CABCOCO1: variants seen among roughly 807,000 people sequenced by gnomAD.
CABCOCO1 encodes the protein ciliary associated calcium binding coiled-coil 1.
In CABCOCO1, 28 loss-of-function variants were observed where a neutral mutation model predicts 35.7. That is an observed-to-expected ratio of 0.78 (90% CI 0.58 to 1.07). The LOEUF is 1.07. Ranked by LOEUF, CABCOCO1 falls within the 50% of genes least tolerant of loss-of-function variation. CABCOCO1 has a pLI of 0.00. For synonymous variants in CABCOCO1, 95 were observed against 100.1 expected, an observed-to-expected ratio of 0.95 and a Z score of 0.30; for missense variants, 326 against 309.2, an observed-to-expected ratio of 1.05 and a Z score of -0.41.
intron 5 of CABCOCO1, among the ~76,000 whole-genome samples, chr10:61,716,688 C>T (rs937873438): frequency 1.3e-5 from 2 of 152,138 alleles, no homozygotes; most frequent in African/African-American, 4.8e-5. Context: ...ATCTCCTCTA[C>T]ATTTTAAATA....
At chr10:61,704,617 T>C (rs1207073624) in intron 5 of CABCOCO1, among the ~76,000 whole-genome samples, 1 of 152,198 alleles carries the variant, frequency 6.6e-6, no homozygotes, top group Non-Finnish European at 1.5e-5. Flanking sequence ...AAGTACCACA[T>C]AGCTAAACTG....
At position 61,692,668 on chromosome 10, in the gene CABCOCO1, C is replaced by A. The variant is rs142180075; in HGVS notation, c.552+2047C>A. Among the ~76,000 whole-genome samples, 481 of 152,248 alleles carry A rather than the reference C, an allele frequency of 3.2e-3. 2 individuals carry two copies. Among genetic ancestry groups the A allele is most frequent in the Admixed American group, 7.6e-3 (116 of 15,268 alleles). On this transcript the variant is annotated intron_variant, in intron 5 of 7. Transcript: ENST00000648843. ...AACACCTCAGTCACCATTACTCACTCTTCATTTGGGTACTTGTTCTAATGC... is the reference window on the plus strand; with the variant it reads ...AACACCTCAGTCACCATTACTCACTATTCATTTGGGTACTTGTTCTAATGC...
intron 2 of CABCOCO1, among the ~76,000 whole-genome samples, chr10:61,674,021 A>C (rs61850464): frequency 0.078 from 11,852 of 152,248 alleles, 585 homozygotes; most frequent in South Asian, 0.13. Flanking sequence ...AAATAGCACA[A>C]TGCGAATAGC....
intron 2 of CABCOCO1, among the ~76,000 whole-genome samples, chr10:61,677,068 A>AATAATAATAATAATAATAATAATAAT (rs375409640): frequency 7.7e-4 from 111 of 144,338 alleles, no homozygotes; most frequent in Middle Eastern, 6.9e-3. Context: ...CTGTCTCAAA[A>AATAATAATAATAATAATAATAATAAT]AATAATAATA....
At chr10:61,749,518 A>G (rs149394955) in intron 5 of CABCOCO1, among the ~76,000 whole-genome samples, 41 of 152,344 alleles carry the variant, frequency 2.7e-4, no homozygotes, top group Middle Eastern at 3.4e-3. Context: ...CTTATTTTGG[A>G]ACAATGCACT....
Position 61,765,467 on chromosome 10 carries a change from G to C in CABCOCO1, c.817-472G>C, listed in dbSNP as rs530629137. On this transcript the variant is annotated intron_variant, in intron 7 of 7. Coordinates refer to ENST00000648843, the MANE Select transcript of CABCOCO1 (RefSeq NM_001366906.2). ...ATGAATACTCTTAATTATGGGAGTTGTTCTAATTGTAAGGTTATTTGTGTT... is the reference window on the plus strand; with the variant it reads ...ATGAATACTCTTAATTATGGGAGTTCTTCTAATTGTAAGGTTATTTGTGTT... Among the ~76,000 whole-genome samples, 13 of 152,278 alleles carry C rather than the reference G, an allele frequency of 8.5e-5. No homozygotes were observed. In the South Asian group the frequency reaches 2.5e-3, roughly 29 times the overall value.
At chr10:61,715,647 G>A (rs892146535) in intron 5 of CABCOCO1, among the ~76,000 whole-genome samples, 3 of 152,070 alleles carry the variant, frequency 2.0e-5, no homozygotes, top group Non-Finnish European at 4.4e-5. Flanking sequence ...GCAGTGGCTC[G>A]TACCGGTTGT....
chr10:61,736,552 T>C (rs1341557295), intron 5 of CABCOCO1, among the ~76,000 whole-genome samples: 1 of 152,170 alleles, frequency 6.6e-6, no homozygotes, highest in Non-Finnish European at 1.5e-5. Flanking sequence ...AGCTATGTAG[T>C]ATAGTTTCAA....
chr10:61,722,750 C>T (rs1270437378), intron 5 of CABCOCO1, among the ~76,000 whole-genome samples: 1 of 150,354 alleles, frequency 6.7e-6, no homozygotes, highest in East Asian at 1.9e-4. Flanking sequence ...AGCACCAATA[C>T]AAAAAAATAC....
chr10:61,748,264 T>C (rs890826528), intron 5 of CABCOCO1, among the ~76,000 whole-genome samples: 2 of 152,154 alleles, frequency 1.3e-5, no homozygotes, highest in Non-Finnish European at 2.9e-5. Context: ...CTACAATTAT[T>C]TCCTACATTT....
At chr10:61,677,064 CAAA>C (rs72288380) in intron 2 of CABCOCO1, among the ~76,000 whole-genome samples, 2,357 of 141,950 alleles carry the variant, frequency 0.017, 41 homozygotes, top group East Asian at 0.06. Context: ...GACTCTGTCT[CAAA>C]AAATAATAAT....
intron 5 of CABCOCO1, among the ~76,000 whole-genome samples, chr10:61,750,203 G>T (rs1841751294): frequency 6.6e-6 from 1 of 152,280 alleles, no homozygotes; most frequent in South Asian, 2.1e-4. Flanking sequence ...TAGGTGAGGG[G>T]TATGGTATCT....
intron 5 of CABCOCO1, 125 bp downstream of exon 5, chr10:61,690,746 C>T: frequency 1.8e-6 from 1 of 566,576 alleles, no homozygotes; most frequent in Non-Finnish European, 3.1e-6. Flanking sequence ...ATATAATCAA[C>T]TCGTAGTTTG....
chr10:61,721,863 G>A lies in CABCOCO1; in HGVS notation c.552+31242G>A, dbSNP rs138541721. Among the ~76,000 whole-genome samples the A allele has an allele frequency of 2.4e-3, 373 of 152,298 alleles. 3 individuals are homozygous for A. Among genetic ancestry groups the A allele is most frequent in the African/African-American group, 8.6e-3 (359 of 41,566 alleles). On this transcript the variant is annotated intron_variant, in intron 5 of 7. Transcript: ENST00000648843. ...AATCAACACCTGTGAAGAGAAGGGG[G>A]AAGAAGCAGGATTGGACAGAGAAAG...
intron 1 of CABCOCO1, 174 bp downstream of exon 1, chr10:61,663,206 G>C (rs987362076): frequency 1.1e-5 from 2 of 178,858 alleles, no homozygotes; most frequent in Non-Finnish European, 2.7e-5. Flanking sequence ...GAGCTGCGCT[G>C]GGGTCCCCGA....
intron 5 of CABCOCO1, among the ~76,000 whole-genome samples, chr10:61,750,342 G>A (rs1004290808): frequency 3.9e-5 from 6 of 152,180 alleles, no homozygotes; most frequent in Non-Finnish European, 1.5e-5. Flanking sequence ...TTTGGAGGCC[G>A]AGGCAGGTGG....
At chr10:61,730,462 C>A (rs1209248233) in intron 5 of CABCOCO1, among the ~76,000 whole-genome samples, 1 of 151,994 alleles carries the variant, frequency 6.6e-6, no homozygotes, top group African/African-American at 2.4e-5. Context: ...AAGGAAAATA[C>A]ATCAGTAGAA....
rs1589161778 is a variant in CABCOCO1 at position 61,766,186 on chromosome 10, T to G, written c.*173T>G. The G allele has an allele frequency of 1.8e-6, 1 of 547,936 alleles. No homozygotes were observed. The highest frequency in any genetic ancestry group is 1.9e-5 in the African/African-American group (1 of 53,190). 33.9% of individuals were successfully genotyped at this position (547,936 alleles called of 1,614,324 possible). The stretch of plus-strand genomic sequence containing the variant: ...AAGTATTGGTCCCAATTTTGCTATC[T>G]CCCATCCCATAACAGCCTCTGAATT... On this transcript the variant is annotated 3_prime_UTR_variant, in exon 8 of 8. Coordinates refer to ENST00000648843, the MANE Select transcript of CABCOCO1 (RefSeq NM_001366906.2).
chr10:61,686,136 A>G lies in CABCOCO1; in HGVS notation c.430A>G (p.Ile144Val). 1.3e-6 allele frequency: 2 copies of G among 1,599,828 alleles called. No individual in the cohort carries two copies. The highest frequency in any genetic ancestry group is 1.7e-6 in the Non-Finnish European group (2 of 1,176,092). ...THSQKSEDWNIFDVKQANAII... is the reference protein window; with the variant it reads ...THSQKSEDWNVFDVKQANAII... The stretch of plus-strand genomic sequence containing the variant: ...TTCGCAAAAGAGTGAGGACTGGAAT[A>G]TCTTTGATGTAAAACAAGCCAATGC... The change falls in exon 4 of 8, where the codon ATC becomes GTC. Residue 144 changes from isoleucine (I) to valine (V), a missense_variant. Coordinates refer to ENST00000648843, the MANE Select transcript of CABCOCO1 (RefSeq NM_001366906.2).
Sources: gnomAD v4.1 joint callset for allele counts (sites outside exome capture counted in the v4.1 genomes callset) on GRCh38, gnomAD v4.1.1 for gene constraint, MANE v1.5 for transcripts, NCBI Gene and HGNC (gene_info 2026-07-23, HGNC 2026-07-21) for gene names.